FAM78A: variants seen among roughly 807,000 people sequenced by gnomAD.
FAM78A encodes family with sequence similarity 78 member A.
A neutral mutation model predicts 22.6 loss-of-function variants in FAM78A; 12 were observed. The observed-to-expected ratio is 0.53, with a 90% CI of 0.34 to 0.86. The LOEUF (loss-of-function observed/expected upper bound fraction) is 0.86. Among genes scored for constraint, FAM78A ranks in the 40% least tolerant of loss-of-function variants. The pLI is 0.02. For synonymous variants in FAM78A, 151 were observed against 155.8 expected (o/e 0.97, Z 0.23); for missense variants, 322 against 396.1 (o/e 0.81, Z 1.59).
intron 1 of FAM78A, among the ~76,000 whole-genome samples, chr9:131,262,465 G>C (rs569214808): frequency 6.9e-6 from 1 of 145,410 alleles, no homozygotes; most frequent in East Asian, 2.0e-4. Flanking sequence ...GACAGAGTGA[G>C]ACTCTGTCTG....
upstream of FAM78A, among the ~76,000 whole-genome samples, chr9:131,278,433 A>G (rs10901362): frequency 0.34 from 52,157 of 151,834 alleles, 9,965 homozygotes; most frequent in East Asian, 0.52. Context: ...CAAGGCTGGG[A>G]AGGTCGCGGG....
rs765116368 is a variant in FAM78A, at chr9:131,261,389, CAAG to C, written c.324-42_324-40del. The C allele has an allele frequency of 3.3e-6, 5 of 1,509,464 alleles. No individual in the cohort carries two copies. Among genetic ancestry groups the C allele is most frequent in the Non-Finnish European group, 4.4e-6 (5 of 1,136,992 alleles). The allele number at this position is 1,509,464 out of a possible 1,614,324, so 93.5% of individuals were successfully genotyped here. On this transcript the variant is annotated intron_variant, in intron 1 of 1. Transcript: ENST00000372271. This position sits in a 1 kb window ranked among gnomAD's most constrained non-coding sequence, Gnocchi z 7.1. ...AGGCCAGTTCACTCACTCGGTCACT[CAAG>C]GAGGGCTTTCTGTGTCCCCCTGGCA... is the stretch of plus-strand genomic sequence containing the variant.
chr9:131,275,429 G>A lies in FAM78A; in HGVS notation c.323+428C>T, dbSNP rs918769029. ...CCCTGAACACACCGGTCTGGGAGTT[G>A]CAGAGTGCCTGAATGTCTGCCATGG... On this transcript the variant is annotated intron_variant, in intron 1 of 1. Coordinates refer to ENST00000372271, the MANE Select transcript of FAM78A (RefSeq NM_033387.4). The surrounding 1 kb of genome is among the most constrained non-coding windows in gnomAD (Gnocchi z 4.6). Among the ~76,000 whole-genome samples the A allele has an allele frequency of 6.6e-6, 1 of 152,372 alleles. No homozygotes were observed. The highest frequency in any genetic ancestry group is 1.9e-4 in the East Asian group (1 of 5,190).
At position 131,261,032 on chromosome 9, in the gene FAM78A, C is replaced by T. The variant is rs1393763208; in HGVS notation, c.642G>A (p.Gln214=). 2 of 1,614,114 alleles carry T rather than the reference C, an allele frequency of 1.2e-6. No homozygotes were observed. The highest frequency in any genetic ancestry group is 4.5e-5 in the East Asian group (2 of 44,882). Residue 214 remains glutamine (Q), a synonymous_variant, in exon 2 of 2, where the codon CAG becomes CAA. Coordinates refer to ENST00000372271, the MANE Select transcript of FAM78A (RefSeq NM_033387.4). This position sits in a 1 kb window ranked among gnomAD's most constrained non-coding sequence, Gnocchi z 7.1. ...GGTTGGGGTTCACCTCGATGCTGAGCTGCATGCGCCAGTGCAGCGTCTGCA... is the reference window on the plus strand; with the variant it reads ...GGTTGGGGTTCACCTCGATGCTGAGTTGCATGCGCCAGTGCAGCGTCTGCA... ...IILQTLHWRM[Q]LSIEVNPNRP...
In FAM78A at chr9:131,260,787, ATTT is replaced by A; in HGVS notation, c.*32_*34del. ...GAGTTTTGTTTTCAGCGGTATTATT[ATTT>A]GTGAGTCTAACCTAGCGGGTGGTCC... On this transcript the variant is annotated 3_prime_UTR_variant, in exon 2 of 2. Coordinates refer to ENST00000372271, the MANE Select transcript of FAM78A (RefSeq NM_033387.4). The surrounding 1 kb of genome is among the most constrained non-coding windows in gnomAD (Gnocchi z 5.4). 5.3e-6 allele frequency: 8 copies of A among 1,507,054 alleles called. No homozygotes were observed. The highest frequency in any genetic ancestry group is 1.4e-5 in the African/African-American group (1 of 71,616). 93.4% of individuals were successfully genotyped at this position (1,507,054 alleles called of 1,614,324 possible).
At chr9:131,263,166 G>A (rs1227188272) in intron 1 of FAM78A, among the ~76,000 whole-genome samples, 2 of 150,424 alleles carry the variant, frequency 1.3e-5, no homozygotes, top group Non-Finnish European at 3.0e-5. Flanking sequence ...TTGAACCCAG[G>A]AGGCGGAGGT....
In FAM78A at chr9:131,275,781, A is replaced by G; in HGVS notation, c.323+76T>C. ...TTCATGGTATCTCCACCTTCCCCCT[A>G]TCCGCGGCCCCCCACCAGGCCTCCA... On this transcript the variant is annotated intron_variant, in intron 1 of 1. Coordinates refer to ENST00000372271, the MANE Select transcript of FAM78A (RefSeq NM_033387.4). The surrounding 1 kb of genome is among the most constrained non-coding windows in gnomAD (Gnocchi z 4.6). The G allele has an allele frequency of 7.0e-7, 1 of 1,438,620 alleles. No homozygotes were observed. Among genetic ancestry groups the G allele is most frequent in the Non-Finnish European group, 9.4e-7 (1 of 1,069,100 alleles). 89.1% of individuals were successfully genotyped at this position (1,438,620 alleles called of 1,614,324 possible).
At position 131,260,508 on chromosome 9, in the gene FAM78A, C is replaced by T. The variant is rs191041216; in HGVS notation, c.*314G>A. On this transcript the variant is annotated 3_prime_UTR_variant, in exon 2 of 2. Transcript: ENST00000372271. This position sits in a 1 kb window ranked among gnomAD's most constrained non-coding sequence, Gnocchi z 5.4. ...CCAAAAGAGGAGTTTTTTTAAAAAACGGAAAAAGCAGTGTTTCAGGGAATC... is the reference window on the plus strand; with the variant it reads ...CCAAAAGAGGAGTTTTTTTAAAAAATGGAAAAAGCAGTGTTTCAGGGAATC... The T allele has an allele frequency of 8.5e-4, 214 of 251,800 alleles. No individual in the cohort carries two copies. In the Admixed American group the frequency reaches 0.011, roughly 12 times the overall value. The allele number at this position is 251,800 out of a possible 1,614,324, so 15.6% of individuals were successfully genotyped here.
intron 1 of FAM78A, among the ~76,000 whole-genome samples, chr9:131,262,938 T>C (rs1323475414): frequency 6.6e-6 from 1 of 150,858 alleles, no homozygotes; most frequent in African/African-American, 2.5e-5. Context: ...GTTTCAGTTT[T>C]GCAGATGAAA....
In FAM78A at chr9:131,269,080, G is replaced by A. The variant is rs149399262; in HGVS notation, c.323+6777C>T. ...AGCACCACTGCACTCCAGCCTGGGC[G>A]ACAAGAACAAAACTTCGTCTCAAAA... On this transcript the variant is annotated intron_variant, in intron 1 of 1. Coordinates refer to ENST00000372271, the MANE Select transcript of FAM78A (RefSeq NM_033387.4). 5.8e-3 allele frequency among the ~76,000 whole-genome samples: 723 copies of A among 125,632 alleles called. 11 individuals carry two copies. The highest frequency in any genetic ancestry group is 0.021 in the African/African-American group (691 of 33,066). The allele number at this position is 125,632 out of a possible 152,430, so 82.4% of individuals were successfully genotyped here.
chr9:131,261,426 G>GGA lies in FAM78A; in HGVS notation c.324-77_324-76insTC. On this transcript the variant is annotated intron_variant, in intron 1 of 1. Transcript: ENST00000372271. This position sits in a 1 kb window ranked among gnomAD's most constrained non-coding sequence, Gnocchi z 7.1. The stretch of plus-strand genomic sequence containing the variant: ...TCTGTGTCCCCCTGGCAGGCCAGGG[G>GGA]CTGTCCTGGGCCCTGAGGATGGAAC... 1 of 1,393,822 alleles carries GGA rather than the reference G, an allele frequency of 7.2e-7. No homozygotes were observed. Among genetic ancestry groups the GGA allele is most frequent in the Non-Finnish European group, 9.5e-7 (1 of 1,055,934 alleles). The allele number at this position is 1,393,822 out of a possible 1,614,324, so 86.3% of individuals were successfully genotyped here.
rs914058764 is a variant in FAM78A at position 131,267,817 on chromosome 9, G to A, written c.324-6467C>T. On this transcript the variant is annotated intron_variant, in intron 1 of 1. Coordinates refer to ENST00000372271, the MANE Select transcript of FAM78A (RefSeq NM_033387.4). ...TCCCAGCACTTTGGGAGGCTGAGGC[G>A]GGCAGATCACAAGGTCAGGAGATCG... Among the ~76,000 whole-genome samples the A allele has an allele frequency of 7.9e-5, 12 of 151,254 alleles. No homozygotes were observed. The East Asian group carries it at 2.2e-3, about 27-fold the overall frequency.
Position 131,261,391 on chromosome 9 carries a change from A to G in FAM78A, c.324-41T>C. On this transcript the variant is annotated intron_variant, in intron 1 of 1. Coordinates refer to ENST00000372271, the MANE Select transcript of FAM78A (RefSeq NM_033387.4). This position sits in a 1 kb window ranked among gnomAD's most constrained non-coding sequence, Gnocchi z 7.1. ...GCCAGTTCACTCACTCGGTCACTCA[A>G]GGAGGGCTTTCTGTGTCCCCCTGGC... 1 of 1,506,352 alleles carries G rather than the reference A, an allele frequency of 6.6e-7. No individual in the cohort carries two copies. Among genetic ancestry groups the G allele is most frequent in the Non-Finnish European group, 8.8e-7 (1 of 1,135,238 alleles). 93.3% of individuals were successfully genotyped at this position (1,506,352 alleles called of 1,614,324 possible).
Position 131,260,697 on chromosome 9 carries a change from G to T in FAM78A, c.*125C>A. The T allele has an allele frequency of 7.9e-7, 1 of 1,272,814 alleles. No individual in the cohort carries two copies. Among genetic ancestry groups the T allele is most frequent in the Non-Finnish European group, 1.1e-6 (1 of 946,262 alleles). The allele number at this position is 1,272,814 out of a possible 1,614,324, so 78.8% of individuals were successfully genotyped here. On this transcript the variant is annotated 3_prime_UTR_variant, in exon 2 of 2. Transcript: ENST00000372271. The surrounding 1 kb of genome is among the most constrained non-coding windows in gnomAD (Gnocchi z 5.4). ...AGGCCTTCCCGGGGGCATCAGCACA[G>T]TGAGATCCGCCCGCTGGAGAGGGTA... is the stretch of plus-strand genomic sequence containing the variant.
At position 131,264,410 on chromosome 9, in the gene FAM78A, C is replaced by T. The variant is rs1835315753; in HGVS notation, c.324-3060G>A. Reference sequence around the variant, plus strand: ...CGTCACCAGGCTGCGTGGATCCCTCCACCTGGGGGTTGCAGCGGGTGCAGC... The same window carrying T: ...CGTCACCAGGCTGCGTGGATCCCTCTACCTGGGGGTTGCAGCGGGTGCAGC... On this transcript the variant is annotated intron_variant, in intron 1 of 1. Coordinates refer to ENST00000372271, the MANE Select transcript of FAM78A (RefSeq NM_033387.4). 3 of 585,684 alleles carry T rather than the reference C, an allele frequency of 5.1e-6. No homozygotes were observed. In the Admixed American group the frequency reaches 8.5e-5, roughly 17 times the overall value. 36.3% of individuals were successfully genotyped at this position (585,684 alleles called of 1,614,324 possible).
At chr9:131,279,760 T>C (rs532610841), upstream of FAM78A, among the ~76,000 whole-genome samples, 28 of 152,346 alleles carry the variant, frequency 1.8e-4, no homozygotes, top group African/African-American at 6.5e-4. Context: ...AGGCGTTACA[T>C]TGAGCAGGCA....
At chr9:131,269,772 C>T (rs1835394027) in intron 1 of FAM78A, among the ~76,000 whole-genome samples, 1 of 152,150 alleles carries the variant, frequency 6.6e-6, no homozygotes, top group Non-Finnish European at 1.5e-5. Flanking sequence ...CCACCGGGCC[C>T]AGCCCATGTG....
chr9:131,266,501 A>T (rs1300510314), intron 1 of FAM78A, among the ~76,000 whole-genome samples: 1 of 136,086 alleles, frequency 7.3e-6, no homozygotes, highest in African/African-American at 2.8e-5. Context: ...CTCCTCCTCC[A>T]CTCCTCTTTC....
At chr9:131,268,676 G>A (rs11244350) in intron 1 of FAM78A, among the ~76,000 whole-genome samples, 9 of 152,132 alleles carry the variant, frequency 5.9e-5, no homozygotes, top group African/African-American at 1.9e-4. Flanking sequence ...CGAGGCGGGC[G>A]GATCACAAGG....
Sources: gnomAD v4.1 joint callset for allele counts (sites outside exome capture counted in the v4.1 genomes callset) on GRCh38, gnomAD v4.1.1 for gene constraint, Gnocchi (gnomAD v3.1) non-coding constraint, MANE v1.5 for transcripts, NCBI Gene and HGNC (gene_info 2026-07-23, HGNC 2026-07-21) for gene names.